Variants in RMDN2 observed in about 807,000 individuals in gnomAD.
RMDN2 encodes regulator of microtubule dynamics protein 2.
Under a neutral mutation model 52.8 loss-of-function variants are expected in RMDN2, and 61 were observed. The ratio of observed to expected loss-of-function variants is 1.16; its 90% CI spans 0.94 to 1.43. RMDN2 has a LOEUF of 1.43. Among genes scored for constraint, RMDN2 ranks in the 40% most tolerant of loss-of-function variants. RMDN2 has a pLI of 0.00. For missense variants in RMDN2, 592 were observed against 475.3 expected (o/e 1.25, Z -2.28); for synonymous variants, 180 against 153.1 (o/e 1.18, Z -1.30).
chr2:37,985,458 G>A (rs1673876888), intron 5 of RMDN2, among the ~76,000 whole-genome samples: 1 of 151,986 alleles, frequency 6.6e-6, no homozygotes, highest in Non-Finnish European at 1.5e-5. Flanking sequence ...AAGCACTGAG[G>A]CAAGTTCACT....
intron 4 of RMDN2, among the ~76,000 whole-genome samples, chr2:37,979,222 G>A (rs993125057): frequency 6.6e-6 from 1 of 152,154 alleles, no homozygotes; most frequent in African/African-American, 2.4e-5. Flanking sequence ...TGAAAACGAA[G>A]GGTGGAGGGA....
chr2:37,936,759 ATTTG>A (rs2124914308), intron 2 of RMDN2, among the ~76,000 whole-genome samples: 1 of 152,192 alleles, frequency 6.6e-6, no homozygotes, highest in African/African-American at 2.4e-5. Context: ...TTTCTTGTAA[ATTTG>A]TTTAAGTTCC....
chr2:38,020,950 T>A (rs978902250), downstream of RMDN2, among the ~76,000 whole-genome samples: 1 of 152,198 alleles, frequency 6.6e-6, no homozygotes, highest in African/African-American at 2.4e-5. Context: ...TGGGATCCAC[T>A]GGGTGAAGCC....
Position 37,991,257 on chromosome 2 carries a change from A to G in RMDN2, c.905A>G (p.Glu302Gly). The stretch of plus-strand genomic sequence containing the variant: ...ATAGCAATCAAACTTTTACCAGAGG[A>G]ACCCTTTCTATATTACCTCAAAGGG... ...LDIAIKLLPE[E>G]PFLYYLKGRY... The change falls in exon 7 of 11, where the codon GAA becomes GGA. Residue 302 changes from glutamate (E) to glycine (G), a missense_variant. Physicochemically the swap from Glu to Gly is moderately conservative, Grantham distance 98. Coordinates refer to ENST00000354545, the MANE Select transcript of RMDN2 (RefSeq NM_001170791.3). The G allele has an allele frequency of 6.3e-7, 1 of 1,591,390 alleles. No individual in the cohort carries two copies. Among genetic ancestry groups the G allele is most frequent in the Non-Finnish European group, 8.6e-7 (1 of 1,167,900 alleles).
At chr2:37,966,089 G>T (rs1240771359) in intron 2 of RMDN2, among the ~76,000 whole-genome samples, 1 of 150,982 alleles carries the variant, frequency 6.6e-6, no homozygotes, top group Non-Finnish European at 1.5e-5. Flanking sequence ...TTCTTGGTGT[G>T]GATCTTTTTG....
chr2:37,990,449 G>A, intron 6 of RMDN2, among the ~76,000 whole-genome samples: 1 of 149,352 alleles, frequency 6.7e-6, no homozygotes, highest in South Asian at 2.1e-4. Flanking sequence ...AACCAGGGAG[G>A]CGGAGGTTGC....
At chr2:37,927,501 C>T (rs72887103) in intron 1 of RMDN2, among the ~76,000 whole-genome samples, 55 of 152,302 alleles carry the variant, frequency 3.6e-4, no homozygotes, top group African/African-American at 1.2e-3. Context: ...AGAATAAGTT[C>T]TCCTTCCTAG....
At chr2:37,945,311 ACTATGAAC>A (rs984292997) in intron 2 of RMDN2, among the ~76,000 whole-genome samples, 1 of 152,222 alleles carries the variant, frequency 6.6e-6, no homozygotes, top group Non-Finnish European at 1.5e-5. Flanking sequence ...CTGAGCAGCC[ACTATGAAC>A]TATACTCTTG....
downstream of RMDN2, among the ~76,000 whole-genome samples, chr2:38,019,175 A>G (rs1194160503): frequency 6.6e-6 from 1 of 152,218 alleles, no homozygotes; most frequent in Non-Finnish European, 1.5e-5. Flanking sequence ...AGAAAGGTGA[A>G]TCCAGCTAGC....
chr2:38,019,514 G>A (rs752506104), downstream of RMDN2, among the ~76,000 whole-genome samples: 1 of 152,162 alleles, frequency 6.6e-6, no homozygotes, highest in Admixed American at 6.5e-5. Flanking sequence ...TAGAGAATTA[G>A]GAGTTTCTGA....
At chr2:37,969,666 TC>T (rs1317456090) in intron 2 of RMDN2, among the ~76,000 whole-genome samples, 4 of 152,036 alleles carry the variant, frequency 2.6e-5, no homozygotes, top group African/African-American at 7.2e-5. Context: ...TTTTTGTTTT[TC>T]TTTTAATATT....
chr2:37,956,403 T>C (rs1350931098), intron 2 of RMDN2, among the ~76,000 whole-genome samples: 1 of 152,132 alleles, frequency 6.6e-6, no homozygotes, highest in Non-Finnish European at 1.5e-5. Flanking sequence ...CCCTCTTTCA[T>C]TTCTGATTGT....
rs148985194 is a variant in RMDN2 at position 37,987,946 on chromosome 2, C to G, written c.792-1595C>G. On this transcript the variant is annotated intron_variant, in intron 5 of 10. Coordinates refer to ENST00000354545, the MANE Select transcript of RMDN2 (RefSeq NM_001170791.3). Reference sequence around the variant, plus strand: ...TGGTGGCACATGCCTGTAGTCCCAGCTACTCAGGAAGCTGAAGCATGAGAA... The same window carrying G: ...TGGTGGCACATGCCTGTAGTCCCAGGTACTCAGGAAGCTGAAGCATGAGAA... Among the ~76,000 whole-genome samples, 266 of 152,282 alleles carry G rather than the reference C, an allele frequency of 1.7e-3. 4 individuals are homozygous for G. In the East Asian group the frequency reaches 0.043, roughly 25 times the overall value.
chr2:37,991,101 G>T (rs1674728013), intron 6 of RMDN2, 119 bp from the exon 7 acceptor site: 2 of 450,070 alleles, frequency 4.4e-6, no homozygotes, highest in African/African-American at 4.0e-5. Context: ...TTAATGATAG[G>T]GATGGGGAGA....
intron 10 of RMDN2, among the ~76,000 whole-genome samples, chr2:38,023,346 G>T (rs1048479684): frequency 6.6e-6 from 1 of 151,980 alleles, no homozygotes; most frequent in Non-Finnish European, 1.5e-5. Flanking sequence ...AAGGAAAAAA[G>T]AATTTTAAAA....
In RMDN2 at chr2:37,950,479, AT is replaced by A. The variant is rs1668637432; in HGVS notation, c.452+20752del. The A allele has an allele frequency of 1.9e-6, 3 of 1,612,086 alleles. No homozygotes were observed. The East Asian group carries it at 6.7e-5, about 36-fold the overall frequency. ...TGTTAACTCCACATGCAGCTTGAGC[AT>A]TCAGTCTTCTGACCTGTTCCACCTC... On this transcript the variant is annotated intron_variant, in intron 2 of 10. Transcript: ENST00000354545.
At chr2:37,996,543 C>T (rs537834881) in intron 7 of RMDN2, among the ~76,000 whole-genome samples, 6 of 146,548 alleles carry the variant, frequency 4.1e-5, no homozygotes, top group African/African-American at 7.6e-5. Flanking sequence ...ATGATCGTGC[C>T]GCTGTACGGT....
At chr2:38,060,147 G>T (rs773898651) in intron 10 of RMDN2, among the ~76,000 whole-genome samples, 46 of 151,396 alleles carry the variant, frequency 3.0e-4, no homozygotes, top group Middle Eastern at 3.4e-3. Flanking sequence ...GGATTTCACT[G>T]TGTTACGCAG....
intron 10 of RMDN2, among the ~76,000 whole-genome samples, chr2:38,053,816 GATTT>G (rs893543462): frequency 2.6e-5 from 4 of 152,140 alleles, no homozygotes; most frequent in African/African-American, 9.7e-5. Flanking sequence ...TAGAGATTCT[GATTT>G]AATTTGCCTG....
Sources: gnomAD v4.1 joint callset for allele counts (sites outside exome capture counted in the v4.1 genomes callset) on GRCh38, gnomAD v4.1.1 for gene constraint, MANE v1.5 for transcripts, NCBI Gene and HGNC (gene_info 2026-07-23, HGNC 2026-07-21) for gene names.